Variants in FKBP15 observed in about 807,000 individuals in gnomAD.
FKBP15 encodes the protein FKBP prolyl isomerase family member 15.
FKBP15 carries 106 observed loss-of-function variants against 158.1 expected under a neutral mutation model. The ratio of observed to expected loss-of-function variants is 0.67; its 90% CI spans 0.57 to 0.79. The LOEUF (loss-of-function observed/expected upper bound fraction) is 0.79, where lower values mean the gene tolerates loss of function less well. Among genes scored for constraint, FKBP15 ranks in the 30% least tolerant of loss-of-function variants. The pLI, the probability that FKBP15 is intolerant of heterozygous loss-of-function variation, is 0.00. For synonymous variants in FKBP15, 547 were observed against 548.6 expected (o/e 1.00, Z 0.04); for missense variants, 1,287 against 1,479.1 (o/e 0.87, Z 2.13).
intron 18 of FKBP15, among the ~76,000 whole-genome samples, 180 bp from the exon 19 acceptor site, chr9:113,183,048 G>A (rs1830428036): frequency 6.6e-6 from 1 of 152,108 alleles, no homozygotes; most frequent in Non-Finnish European, 1.5e-5. Flanking sequence ...CAGGTTGGAA[G>A]CAGGAACCTG....
intron 1 of FKBP15, among the ~76,000 whole-genome samples, chr9:113,216,443 G>T (rs1356291305): frequency 6.6e-6 from 1 of 152,184 alleles, no homozygotes; most frequent in Non-Finnish European, 1.5e-5. Context: ...TACTGTAAAG[G>T]ACTAAGAGGT....
chr9:113,190,495 C>T lies in FKBP15; in HGVS notation c.1149G>A (p.Leu383=), dbSNP rs2118901199. ...CTTCGATTTCTGAATCATTGGAATC[C>T]AGCTGTGGTGGAAGGATGGGCAGCA... ...QPMLPILPPQ[L]DSNDSEIEDV... The change falls in exon 12 of 28, where the codon CTG becomes CTA. Residue 383 remains leucine, a synonymous_variant. Coordinates refer to ENST00000238256, the MANE Select transcript of FKBP15 (RefSeq NM_015258.2). 6.2e-7 allele frequency: 1 copy of T among 1,611,468 alleles called. No homozygotes were observed. The highest frequency in any genetic ancestry group is 2.2e-5 in the East Asian group (1 of 44,820).
At chr9:113,171,748 G>GA (rs771145900) in intron 23 of FKBP15, 42 bp from the exon 24 acceptor site, 4 of 1,442,752 alleles carry the variant, frequency 2.8e-6, no homozygotes, top group Admixed American at 4.6e-5. Flanking sequence ...CAGGAACCAG[G>GA]TGAAGGTCAG....
In FKBP15 at chr9:113,171,671, G is replaced by T; in HGVS notation, c.2568C>A (p.Thr856=). Reference sequence around the variant, plus strand: ...CCTTGATGTGCTGTTCATTTTGCTTGGTGAGAGCTGTGATTTGGGCCTGGA... The same window carrying T: ...CCTTGATGTGCTGTTCATTTTGCTTTGTGAGAGCTGTGATTTGGGCCTGGA... ...LALQAQITAL[T]KQNEQHIKEL... The change falls in exon 24 of 28, where the codon ACC becomes ACA. Residue 856 remains threonine (T), a synonymous_variant. Coordinates refer to ENST00000238256, the MANE Select transcript of FKBP15 (RefSeq NM_015258.2). 6.2e-7 allele frequency: 1 copy of T among 1,601,252 alleles called. No individual in the cohort carries two copies. Among genetic ancestry groups the T allele is most frequent in the Non-Finnish European group, 8.5e-7 (1 of 1,173,628 alleles).
chr9:113,219,556 G>A (rs1297345421), intron 1 of FKBP15, among the ~76,000 whole-genome samples: 1 of 152,156 alleles, frequency 6.6e-6, no homozygotes, highest in African/African-American at 2.4e-5. Context: ...CAAATTAGCT[G>A]TTGTCTATGT....
chr9:113,203,849 T>C (rs1338496596), intron 4 of FKBP15, among the ~76,000 whole-genome samples: 1 of 152,172 alleles, frequency 6.6e-6, no homozygotes, highest in Admixed American at 6.5e-5. Context: ...CTTAAATTTG[T>C]ATAAATAGGA....
chr9:113,200,052 T>G, intron 6 of FKBP15, 89 bp from the exon 7 acceptor site: 1 of 1,352,798 alleles, frequency 7.4e-7, no homozygotes, highest in Non-Finnish European at 1.0e-6. Flanking sequence ...TCAAATAGCT[T>G]CATCCACTAA....
In FKBP15 at chr9:113,169,360, C is replaced by A. The variant is rs755397372; in HGVS notation, c.3349G>T (p.Glu1117Ter). Residue 1117 changes from glutamate to a stop codon, truncating the protein, a stop_gained, in exon 26 of 28, where the codon GAG becomes TAG. Coordinates refer to ENST00000238256, the MANE Select transcript of FKBP15 (RefSeq NM_015258.2). LOFTEE classifies it high-confidence loss of function. ...TTCTTGAGCTGTGGAGGCTGAGGCTCTCCTGGGCTTTCAGGCCCTAAGGCC... is the reference window on the plus strand; with the variant it reads ...TTCTTGAGCTGTGGAGGCTGAGGCTATCCTGGGCTTTCAGGCCCTAAGGCC... ...PLALGPESPG[E>*]PQPPQLKKDD... The A allele has an allele frequency of 6.2e-7, 1 of 1,614,064 alleles. No homozygotes were observed.
chr9:113,211,615 G>A, intron 1 of FKBP15, 23 bp from the exon 2 acceptor site: 1 of 1,528,024 alleles, frequency 6.5e-7, no homozygotes, highest in African/African-American at 1.4e-5. Flanking sequence ...AATGAAAAAT[G>A]AAATTTCACT....
chr9:113,213,363 C>G (rs1312567505), intron 1 of FKBP15, among the ~76,000 whole-genome samples: 1 of 151,352 alleles, frequency 6.6e-6, no homozygotes, highest in Non-Finnish European at 1.5e-5. Context: ...GAGCTGAGAT[C>G]ACGCCACTGC....
Position 113,161,891 on chromosome 9 carries a change from CTG to C in FKBP15, c.*4185_*4186del, listed in dbSNP as rs1830020080. On this transcript the variant is annotated 3_prime_UTR_variant, in exon 28 of 28. Coordinates refer to ENST00000238256, the MANE Select transcript of FKBP15 (RefSeq NM_015258.2). ...CTCCTGATGCCCAGGCCAAAGCACT[CTG>C]TGAACAGCCAGCCACTTGAGAGGCT... 5 of 693,544 alleles carry C rather than the reference CTG, an allele frequency of 7.2e-6. No individual in the cohort carries two copies. The highest frequency in any genetic ancestry group is 2.7e-5 in the East Asian group (1 of 36,496). The allele number at this position is 693,544 out of a possible 1,614,324, so 43.0% of individuals were successfully genotyped here.
At position 113,184,322 on chromosome 9, in the gene FKBP15, C is replaced by T; in HGVS notation, c.1686G>A (p.Met562Ile). Reference sequence around the variant, plus strand: ...TGATTCGCTGGATGTTGCTCATAATCATGCTTGTTTCCATTGTAACTGACA... The same window carrying T: ...TGATTCGCTGGATGTTGCTCATAATTATGCTTGTTTCCATTGTAACTGACA... Reference protein sequence around the residue: ...PSMSVTMETSMIMSNIQRIIQ... With the variant: ...PSMSVTMETSIIMSNIQRIIQ... The change falls in exon 17 of 28, where the codon ATG becomes ATA. Residue 562 changes from methionine (M) to isoleucine (I), a missense_variant. Transcript: ENST00000238256. The surrounding 1 kb of genome is among the most constrained non-coding windows in gnomAD (Gnocchi z 4.5). The T allele has an allele frequency of 6.2e-7, 1 of 1,604,206 alleles. No individual in the cohort carries two copies. The highest frequency in any genetic ancestry group is 2.2e-5 in the East Asian group (1 of 44,696).
chr9:113,183,925 C>A, intron 17 of FKBP15, 80 bp from the exon 18 acceptor site: 1 of 1,006,374 alleles, frequency 9.9e-7, no homozygotes, highest in Non-Finnish European at 1.5e-6. Flanking sequence ...CTTGAACTGA[C>A]AGGTGACATT....
intron 19 of FKBP15, among the ~76,000 whole-genome samples, chr9:113,179,803 T>C (rs988608767): frequency 6.6e-6 from 1 of 152,072 alleles, no homozygotes. Context: ...TAAATAAAAA[T>C]AAATAGGCTA....
intron 1 of FKBP15, 125 bp downstream of exon 1, chr9:113,221,066 C>T (rs1587983138): frequency 3.8e-6 from 4 of 1,055,256 alleles, no homozygotes; most frequent in Admixed American, 2.5e-5. Flanking sequence ...GTGTAGAGCA[C>T]CGGAATGTGG....
At position 113,202,540 on chromosome 9, in the gene FKBP15, G is replaced by A; in HGVS notation, c.489C>T (p.Phe163=). 1 of 1,576,394 alleles carries A rather than the reference G, an allele frequency of 6.3e-7. No individual in the cohort carries two copies. The highest frequency in any genetic ancestry group is 8.6e-7 in the Non-Finnish European group (1 of 1,159,358). ...AGTAAGATGTTATCACCTGCTTATT[G>A]AACTCCACAGCAGCCTTTTCCGACT... ...MFESEKAAVE[F]NKQVCIAKCN... The change falls in exon 6 of 28, where the codon TTC becomes TTT. Residue 163 remains phenylalanine (F), a synonymous_variant. Transcript: ENST00000238256.
At chr9:113,193,440 G>A in intron 11 of FKBP15, 52 bp downstream of exon 11, 1 of 1,469,678 alleles carries the variant, frequency 6.8e-7, no homozygotes, top group East Asian at 2.4e-5. Flanking sequence ...TTCGCAAAGT[G>A]TTAGGATTAC....
At chr9:113,189,847 C>A (rs906269753) in intron 12 of FKBP15, among the ~76,000 whole-genome samples, 2 of 151,980 alleles carry the variant, frequency 1.3e-5, no homozygotes, top group Non-Finnish European at 2.9e-5. Context: ...CACCAAATTC[C>A]AAATGGATTA....
chr9:113,208,648 T>A (rs1271498052), intron 2 of FKBP15, among the ~76,000 whole-genome samples: 2 of 152,180 alleles, frequency 1.3e-5, no homozygotes, highest in Non-Finnish European at 2.9e-5. Flanking sequence ...TTATAATAAA[T>A]TCCTTAAAAT....
Sources: allele counts gnomAD v4.1 joint callset (sites outside exome capture counted in the v4.1 genomes callset), GRCh38; gene constraint gnomAD v4.1.1; non-coding constraint Gnocchi (gnomAD v3.1); transcripts MANE v1.5; gene names NCBI Gene and HGNC (gene_info 2026-07-23, HGNC 2026-07-21).